ERC1: variants seen among roughly 807,000 people sequenced by gnomAD.
ERC1 encodes RAB6 interacting protein 2.
In ERC1, 56 loss-of-function variants were observed where a neutral mutation model predicts 132.0. That is an observed-to-expected ratio of 0.42 (90% CI 0.34 to 0.53). ERC1 has a LOEUF of 0.53. Among genes scored for constraint, ERC1 ranks in the 20% least tolerant of loss-of-function variants. The pLI is 0.03. For synonymous variants in ERC1, 478 were observed against 476.1 expected (o/e 1.00, Z -0.05); for missense variants, 1,202 against 1,349.9 (o/e 0.89, Z 1.72).
intron 17 of ERC1, among the ~76,000 whole-genome samples, chr12:1,442,541 T>C (rs2093186282): frequency 1.3e-5 from 2 of 152,210 alleles, no homozygotes; most frequent in African/African-American, 4.8e-5. Flanking sequence ...ATTGATTAAT[T>C]TTCTCTGGTT....
chr12:1,053,428 C>T (rs964766086), intron 2 of ERC1, among the ~76,000 whole-genome samples: 5 of 152,170 alleles, frequency 3.3e-5, no homozygotes, highest in Non-Finnish European at 4.4e-5. Flanking sequence ...TTTATATTCT[C>T]ATGAAGAGTG....
chr12:1,043,302 CA>C (rs1306300253), intron 2 of ERC1, among the ~76,000 whole-genome samples: 2 of 152,112 alleles, frequency 1.3e-5, no homozygotes, highest in East Asian at 3.8e-4. Flanking sequence ...CTTGGCCTCC[CA>C]AAGTGCTGAG....
intron 17 of ERC1, among the ~76,000 whole-genome samples, chr12:1,428,459 C>T (rs563346664): frequency 6.6e-6 from 1 of 152,180 alleles, no homozygotes; most frequent in Non-Finnish European, 1.5e-5. Context: ...GTGTCCCAGG[C>T]TGATCTTAGC....
At chr12:1,142,362 TA>T (rs1466141859) in intron 8 of ERC1, among the ~76,000 whole-genome samples, 3 of 152,220 alleles carry the variant, frequency 2.0e-5, no homozygotes, top group African/African-American at 7.2e-5. Context: ...ATGGATATAC[TA>T]TAGCAAAATT....
intron 14 of ERC1, among the ~76,000 whole-genome samples, chr12:1,282,977 T>A (rs1364832015): frequency 6.6e-6 from 1 of 152,212 alleles, no homozygotes; most frequent in East Asian, 1.9e-4. Context: ...TCTTGGAAAC[T>A]ACAAAAAGTG....
intron 3 of ERC1, among the ~76,000 whole-genome samples, chr12:1,095,594 C>G (rs952655687): frequency 6.6e-6 from 1 of 152,022 alleles, no homozygotes; most frequent in Non-Finnish European, 1.5e-5. Context: ...ATACTTCTAC[C>G]TCTAATTTTT....
At chr12:1,252,978 C>G (rs911285627) in intron 13 of ERC1, among the ~76,000 whole-genome samples, 2 of 152,168 alleles carry the variant, frequency 1.3e-5, no homozygotes, top group African/African-American at 2.4e-5. Context: ...ATTACTGTCT[C>G]TTTACGTTAA....
chr12:1,289,781 C>A, intron 14 of ERC1, 71 bp from the exon 15 acceptor site: 1 of 1,247,006 alleles, frequency 8.0e-7, no homozygotes, highest in Non-Finnish European at 1.1e-6. Flanking sequence ...CCAGGAGTTG[C>A]GTGTTACCCA....
chr12:1,094,232 T>C (rs1295093478), intron 3 of ERC1, among the ~76,000 whole-genome samples: 6 of 151,532 alleles, frequency 4.0e-5, no homozygotes, highest in African/African-American at 1.5e-4. Flanking sequence ...TTGGCCAGGC[T>C]GGTCTCAAAC....
At chr12:1,424,824 TAGATAGATAGATAGATAGATGATA>T (rs1209121328) in intron 17 of ERC1, among the ~76,000 whole-genome samples, 1 of 140,086 alleles carries the variant, frequency 7.1e-6, no homozygotes, top group African/African-American at 2.8e-5. Context: ...GATAGATAGA[TAGATAGATAGATAGATAGATGATA>T]GATAGATAGA....
intron 18 of ERC1, among the ~76,000 whole-genome samples, chr12:1,452,276 A>G (rs2093441361): frequency 6.6e-6 from 1 of 151,676 alleles, no homozygotes; most frequent in African/African-American, 2.4e-5. Flanking sequence ...GAGGTCTGCT[A>G]TATTCATGTA....
At chr12:1,195,186 C>G (rs1956106733) in intron 12 of ERC1, among the ~76,000 whole-genome samples, 2 of 152,166 alleles carry the variant, frequency 1.3e-5, no homozygotes, top group South Asian at 4.1e-4. Flanking sequence ...AATCTATACA[C>G]TTATGTGACT....
intron 14 of ERC1, among the ~76,000 whole-genome samples, chr12:1,286,054 G>A (rs999303824): frequency 1.3e-5 from 2 of 152,126 alleles, no homozygotes; most frequent in Admixed American, 1.3e-4. Flanking sequence ...AGCACTTTGG[G>A]AGGCCAAGGC....
intron 16 of ERC1, chr12:1,386,078 C>T (rs962025288): frequency 1.1e-4 from 13 of 119,150 alleles, no homozygotes; most frequent in South Asian, 2.9e-4. Flanking sequence ...CTTGCTCTTT[C>T]GACCAAGCTG....
intron 15 of ERC1, among the ~76,000 whole-genome samples, chr12:1,316,776 A>G (rs530443736): frequency 2.5e-3 from 388 of 152,370 alleles, no homozygotes; most frequent in African/African-American, 8.3e-3. Context: ...ATAAAGACAC[A>G]TGCACACGTA....
chr12:1,495,777 C>T lies in ERC1; in HGVS notation c.*5547C>T, dbSNP rs1010543466. The T allele has an allele frequency of 4.5e-6, 1 of 221,278 alleles. No homozygotes were observed. Among genetic ancestry groups the T allele is most frequent in the Non-Finnish European group, 9.0e-6 (1 of 110,592 alleles). The allele number at this position is 221,278 out of a possible 1,614,324, so 13.7% of individuals were successfully genotyped here. A position where few individuals can be genotyped will look rare whatever the true frequency, so the allele number is the denominator to read the frequency against. ...TGCCTTCAGCTGTATGTGTGTGTTC[C>T]TGCTGGAGTTGTGTTACTGACAGGA... is the stretch of plus-strand genomic sequence containing the variant. On this transcript the variant is annotated 3_prime_UTR_variant, in exon 19 of 19. Coordinates refer to ENST00000360905, the MANE Select transcript of ERC1 (RefSeq NM_178040.4).
At chr12:1,382,470 A>G (rs947433377) in intron 16 of ERC1, among the ~76,000 whole-genome samples, 1 of 152,190 alleles carries the variant, frequency 6.6e-6, no homozygotes, top group African/African-American at 2.4e-5. Context: ...AAATCTCTTT[A>G]TGTCTAAGTG....
chr12:1,197,360 A>C (rs1052825269), intron 12 of ERC1, among the ~76,000 whole-genome samples: 5 of 152,064 alleles, frequency 3.3e-5, no homozygotes, highest in African/African-American at 1.2e-4. Context: ...CATGCCTAAC[A>C]ATTCCAGTGT....
chr12:1,341,116 C>T (rs1484844510), intron 15 of ERC1, among the ~76,000 whole-genome samples: 3 of 38,366 alleles, frequency 7.8e-5, no homozygotes, highest in African/African-American at 2.6e-4. Context: ...TTTTTTGAGG[C>T]AGAGTCTTAC....
Sources: gnomAD v4.1 joint callset for allele counts (sites outside exome capture counted in the v4.1 genomes callset) on GRCh38, gnomAD v4.1.1 for gene constraint, MANE v1.5 for transcripts, NCBI Gene and HGNC (gene_info 2026-07-23, HGNC 2026-07-21) for gene names.